The following FOXO3 variants were observed in gnomAD, a reference collection of about 807,000 sequenced individuals.
FOXO3 encodes the protein forkhead box O3.
A neutral mutation model predicts 41.9 loss-of-function variants in FOXO3; 4 were observed. The ratio of observed to expected loss-of-function variants is 0.10; its 90% CI spans 0.05 to 0.22. FOXO3 has a LOEUF of 0.22. Ranked by LOEUF, FOXO3 falls within the 10% of genes least tolerant of loss-of-function variation. FOXO3 has a pLI of 1.00. For synonymous variants in FOXO3, 318 were observed against 389.3 expected, an observed-to-expected ratio of 0.82 and a Z score of 2.16; for missense variants, 534 against 906.8, an observed-to-expected ratio of 0.59 and a Z score of 5.28.
intron 1 of FOXO3, among the ~76,000 whole-genome samples, chr6:108,608,062 T>C (rs1173595653): frequency 2.6e-5 from 4 of 152,166 alleles, no homozygotes; most frequent in African/African-American, 9.7e-5. Flanking sequence ...CTTGGGATCA[T>C]ATAATGGTAG....
At chr6:108,635,271 G>A (rs1042912153) in intron 1 of FOXO3, among the ~76,000 whole-genome samples, 5 of 151,890 alleles carry the variant, frequency 3.3e-5, no homozygotes, top group Non-Finnish European at 7.4e-5. Context: ...CTGTGGCCTG[G>A]GCAACAGAGC....
chr6:108,674,531 GA>G (rs1340551779), intron 2 of FOXO3, among the ~76,000 whole-genome samples: 4 of 152,180 alleles, frequency 2.6e-5, no homozygotes, highest in African/African-American at 9.7e-5. Flanking sequence ...CAAAGTCCCT[GA>G]AAAAGTTGCC....
Position 108,683,508 on chromosome 6 carries a change from G to A in FOXO3, c.*3716G>A, listed in dbSNP as rs899847256. On this transcript the variant is annotated 3_prime_UTR_variant, in exon 3 of 3. Transcript: ENST00000406360. ...TGTTATCCAGCCTGACCAACATGGA[G>A]AAACCCCGTCTCCATTAAAAATACA... 8 of 152,206 alleles carry A rather than the reference G, an allele frequency of 5.3e-5. No individual in the cohort carries two copies. The highest frequency in any genetic ancestry group is 1.9e-4 in the African/African-American group (8 of 41,432). 9.4% of individuals were successfully genotyped at this position (152,206 alleles called of 1,614,324 possible). A position where few individuals can be genotyped will look rare whatever the true frequency, so the allele number is the denominator to read the frequency against.
chr6:108,568,593 T>C (rs544363561), intron 1 of FOXO3, among the ~76,000 whole-genome samples: 3 of 152,324 alleles, frequency 2.0e-5, no homozygotes, highest in Non-Finnish European at 4.4e-5. Flanking sequence ...TAAGTGTTTC[T>C]AATATTTGGA....
chr6:108,664,394 G>C lies in FOXO3; in HGVS notation c.1561G>C (p.Ala521Pro). The change falls in exon 2 of 3, where the codon GCC becomes CCC. Residue 521 changes from alanine to proline, a missense_variant. Physicochemically the swap from Ala to Pro is conservative, Grantham distance 27. Coordinates refer to ENST00000406360, the MANE Select transcript of FOXO3 (RefSeq NM_001455.4). The part of the protein sequence containing the change: ...LRNDPMMSFA[A>P]QPNQGSLVNQ... ...CAATGATCCGATGATGTCCTTTGCT[G>C]CCCAGCCTAACCAGGGAAGTTTGGT... is the stretch of plus-strand genomic sequence containing the variant. The C allele has an allele frequency of 6.2e-7, 1 of 1,613,730 alleles. No homozygotes were observed. The highest frequency in any genetic ancestry group is 8.5e-7 in the Non-Finnish European group (1 of 1,179,826).
intron 1 of FOXO3, among the ~76,000 whole-genome samples, chr6:108,569,913 T>G (rs1434557879): frequency 6.6e-6 from 1 of 151,748 alleles, no homozygotes; most frequent in African/African-American, 2.4e-5. Flanking sequence ...TCAGTACGTG[T>G]TTAGGAATTT....
At chr6:108,654,714 C>A (rs1647727356) in intron 1 of FOXO3, among the ~76,000 whole-genome samples, 1 of 150,804 alleles carries the variant, frequency 6.6e-6, no homozygotes, top group African/African-American at 2.4e-5. Context: ...AAGTTCCCAA[C>A]AATGTTTACT....
intron 1 of FOXO3, among the ~76,000 whole-genome samples, chr6:108,568,048 CA>C (rs879757833): frequency 1.5e-3 from 213 of 138,394 alleles, no homozygotes; most frequent in Admixed American, 1.7e-3. Flanking sequence ...AACTCCATCT[CA>C]AAAAAAAAAA....
intron 1 of FOXO3, among the ~76,000 whole-genome samples, chr6:108,566,355 C>T (rs72940674): frequency 0.091 from 13,882 of 152,168 alleles, 898 homozygotes; most frequent in South Asian, 0.22. Flanking sequence ...AGTTAAACTT[C>T]TTAGTACTCT....
At chr6:108,651,724 C>G (rs1778552348) in intron 1 of FOXO3, among the ~76,000 whole-genome samples, 1 of 152,210 alleles carries the variant, frequency 6.6e-6, no homozygotes, top group South Asian at 2.1e-4. Context: ...CTGTAATGTG[C>G]TTGCATTGTC....
intron 1 of FOXO3, among the ~76,000 whole-genome samples, chr6:108,655,184 C>T (rs1778650478): frequency 6.6e-6 from 1 of 152,202 alleles, no homozygotes; most frequent in South Asian, 2.1e-4. Context: ...CATCACAGAG[C>T]AGAATGAGGT....
At chr6:108,658,176 G>T (rs1336347498) in intron 1 of FOXO3, among the ~76,000 whole-genome samples, 1 of 152,164 alleles carries the variant, frequency 6.6e-6, no homozygotes, top group Non-Finnish European at 1.5e-5. Flanking sequence ...ATTTTGAGGG[G>T]TAACTGGGCG....
At chr6:108,633,842 TA>T (rs58983314) in intron 1 of FOXO3, among the ~76,000 whole-genome samples, 7,686 of 141,844 alleles carry the variant, frequency 0.054, 577 homozygotes, top group African/African-American at 0.17. Flanking sequence ...AGAAGTCAAT[TA>T]AAAAAAAAAA....
chr6:108,661,016 C>T (rs1038056538), intron 1 of FOXO3, among the ~76,000 whole-genome samples: 16 of 151,476 alleles, frequency 1.1e-4, no homozygotes, highest in African/African-American at 2.9e-4. Context: ...GCCGAGATCA[C>T]GCCACTGCAC....
intron 1 of FOXO3, among the ~76,000 whole-genome samples, chr6:108,578,228 A>T (rs1219414660): frequency 6.6e-6 from 1 of 152,154 alleles, no homozygotes; most frequent in East Asian, 1.9e-4. Flanking sequence ...CCCCACACAG[A>T]CTAAATCAGA....
intron 1 of FOXO3, among the ~76,000 whole-genome samples, chr6:108,652,319 A>G (rs1002772915): frequency 2.0e-5 from 3 of 152,264 alleles, no homozygotes; most frequent in Non-Finnish European, 4.4e-5. Context: ...TCATTTCTAA[A>G]AAATTAGTGT....
intron 2 of FOXO3, among the ~76,000 whole-genome samples, chr6:108,665,812 G>A (rs866575275): frequency 4.0e-3 from 497 of 125,258 alleles, no homozygotes; most frequent in Non-Finnish European, 4.2e-3. Context: ...CTATCTCTTA[G>A]AAAAAAAAAA....
At chr6:108,647,655 A>G (rs1361445084) in intron 1 of FOXO3, among the ~76,000 whole-genome samples, 1 of 152,094 alleles carries the variant, frequency 6.6e-6, no homozygotes, top group African/African-American at 2.4e-5. Context: ...GGTACTAGAC[A>G]TGTAGATGTC....
chr6:108,596,061 T>A (rs1039164148), intron 1 of FOXO3, among the ~76,000 whole-genome samples: 5 of 152,180 alleles, frequency 3.3e-5, no homozygotes, highest in Non-Finnish European at 7.3e-5. Flanking sequence ...CTGAAATGTT[T>A]CTTTATTTTG....
Sources: allele counts gnomAD v4.1 joint callset (sites outside exome capture counted in the v4.1 genomes callset), GRCh38; gene constraint gnomAD v4.1.1; transcripts MANE v1.5; gene names NCBI Gene and HGNC (gene_info 2026-07-23, HGNC 2026-07-21).